The following RCSD1 variants were observed in gnomAD, a reference collection of about 807,000 sequenced individuals.
The protein encoded by RCSD1 is capZ-interacting protein.
RCSD1 carries 26 observed loss-of-function variants against 42.5 expected under a neutral mutation model. The observed-to-expected ratio is 0.61, with a 90% CI of 0.45 to 0.85. The LOEUF (loss-of-function observed/expected upper bound fraction) is 0.85. Ranked by LOEUF, RCSD1 falls within the 40% of genes least tolerant of loss-of-function variation. The pLI is 0.00. For synonymous variants in RCSD1, 220 were observed against 212.2 expected (o/e 1.04, Z -0.32); for missense variants, 571 against 528.3 (o/e 1.08, Z -0.79).
intron 1 of RCSD1, among the ~76,000 whole-genome samples, chr1:167,669,935 T>C (rs1295929231): frequency 6.6e-6 from 1 of 152,100 alleles, no homozygotes; most frequent in African/African-American, 2.4e-5. Context: ...TTAGAAGGTA[T>C]GCCCTGGCTT....
Position 167,682,577 on chromosome 1 carries a change from T to C in RCSD1, c.7-1323T>C, listed in dbSNP as rs150436069. ...CCCTTGCTCCAAGGGGACAGCATCT[T>C]AGAATGACTAAAGTTATTTACTTTG... On this transcript the variant is annotated intron_variant, in intron 1 of 6. Transcript: ENST00000367854. Among the ~76,000 whole-genome samples the C allele has an allele frequency of 4.8e-4, 73 of 152,192 alleles. 1 individual carries two copies. The East Asian group carries it at 0.011, about 24-fold the overall frequency.
intron 1 of RCSD1, among the ~76,000 whole-genome samples, chr1:167,657,476 G>A (rs2102211421): frequency 6.6e-6 from 1 of 152,242 alleles, no homozygotes; most frequent in Admixed American, 6.5e-5. Flanking sequence ...ATATGTTTAG[G>A]GCTGGCTGCA....
rs1432228233 is a variant in RCSD1 at position 167,697,622 on chromosome 1, G to A, written c.998G>A (p.Ser333Asn). The change falls in exon 6 of 7, where the codon AGC becomes AAC. Residue 333 changes from serine (S) to asparagine (N), a missense_variant. Coordinates refer to ENST00000367854, the MANE Select transcript of RCSD1 (RefSeq NM_052862.4). Reference protein sequence around the residue: ...QNEEVGPEHDSQETKKLEEGA... With the variant: ...QNEEVGPEHDNQETKKLEEGA... ...GAAGAGGTGGGACCTGAACATGACA[G>A]CCAAGAAACAAAGAAGCTGGAGGAG... 1.2e-6 allele frequency: 2 copies of A among 1,607,210 alleles called. No individual in the cohort carries two copies. The highest frequency in any genetic ancestry group is 2.2e-5 in the East Asian group (1 of 44,654).
intron 1 of RCSD1, among the ~76,000 whole-genome samples, chr1:167,647,949 C>A (rs1441721217): frequency 6.6e-6 from 1 of 151,926 alleles, no homozygotes; most frequent in African/African-American, 2.4e-5. Flanking sequence ...TCCTTGAAAT[C>A]CTCAATTATA....
At chr1:167,631,170 C>CT (rs1392902664) in intron 1 of RCSD1, among the ~76,000 whole-genome samples, 1 of 152,240 alleles carries the variant, frequency 6.6e-6, no homozygotes, top group East Asian at 1.9e-4. Flanking sequence ...GGTCCGGGGA[C>CT]TTTCCTTGTT....
intron 1 of RCSD1, among the ~76,000 whole-genome samples, chr1:167,675,207 GAAAAA>G (rs34426324): frequency 1.4e-4 from 7 of 49,154 alleles, no homozygotes; most frequent in African/African-American, 7.4e-4. Flanking sequence ...CTCCATCTCG[GAAAAA>G]AAAAAAAAAA....
chr1:167,691,647 C>T (rs1327135597), intron 4 of RCSD1, among the ~76,000 whole-genome samples: 2 of 152,258 alleles, frequency 1.3e-5, no homozygotes, highest in Non-Finnish European at 2.9e-5. Flanking sequence ...TAGCCACAGC[C>T]TCTGTACTTC....
chr1:167,667,565 G>A (rs1007232345), intron 1 of RCSD1, among the ~76,000 whole-genome samples: 3 of 152,336 alleles, frequency 2.0e-5, no homozygotes, highest in Non-Finnish European at 2.9e-5. Flanking sequence ...GGAGAAGACA[G>A]ATACCCATGG....
rs368736456 is a variant in RCSD1, at chr1:167,707,551, G to T, written c.*2855G>T. Reference sequence around the variant, plus strand: ...GATGTCAGGAATCTCTCATGGTATTGGTCTCTGCTTTCCCTCGTATTGGCC... The same window carrying T: ...GATGTCAGGAATCTCTCATGGTATTTGTCTCTGCTTTCCCTCGTATTGGCC... On this transcript the variant is annotated 3_prime_UTR_variant, in exon 7 of 7. Coordinates refer to ENST00000367854, the MANE Select transcript of RCSD1 (RefSeq NM_052862.4). Among the ~76,000 whole-genome samples the T allele has an allele frequency of 6.6e-6, 1 of 151,748 alleles. No homozygotes were observed. The highest frequency in any genetic ancestry group is 2.1e-4 in the South Asian group (1 of 4,786).
intron 1 of RCSD1, 34 bp downstream of exon 1, chr1:167,630,463 C>T (rs1373523873): frequency 1.3e-6 from 2 of 1,523,838 alleles, no homozygotes; most frequent in Admixed American, 2.0e-5. Flanking sequence ...CGGGGCTGAG[C>T]GGTGAGCGGT....
At position 167,695,538 on chromosome 1, in the gene RCSD1, A is replaced by ATTTTT. The variant is rs34867466; in HGVS notation, c.474+1250_474+1254dup. Among the ~76,000 whole-genome samples the ATTTTT allele has an allele frequency of 5.7e-4, 80 of 141,082 alleles. No individual in the cohort carries two copies. The East Asian group carries it at 6.5e-3, about 12-fold the overall frequency. The allele number at this position is 141,082 out of a possible 152,430, so 92.6% of individuals were successfully genotyped here. On this transcript the variant is annotated intron_variant, in intron 5 of 6. Coordinates refer to ENST00000367854, the MANE Select transcript of RCSD1 (RefSeq NM_052862.4). ...TTACAAAAATTTATTTTACACACTA[A>ATTTTT]TTTTTTTTTTTTTTTTTTGAGGCAA...
rs983699032 is a variant in RCSD1, at chr1:167,644,991, A to G, written c.6+14562A>G. On this transcript the variant is annotated intron_variant, in intron 1 of 6. Transcript: ENST00000367854. ...CAGGTTGAACTACCTTGCCCAAAGT[A>G]TTTTGATTAAGGACCCCAGGTCTTT... Among the ~76,000 whole-genome samples, 5 of 152,248 alleles carry G rather than the reference A, an allele frequency of 3.3e-5. No homozygotes were observed. In the East Asian group the frequency reaches 7.7e-4, roughly 23 times the overall value.
At chr1:167,674,657 T>C (rs754235980) in intron 1 of RCSD1, among the ~76,000 whole-genome samples, 1 of 152,216 alleles carries the variant, frequency 6.6e-6, no homozygotes, top group Non-Finnish European at 1.5e-5. Flanking sequence ...TCTAGGCAAC[T>C]ATTAACCTAC....
At position 167,704,846 on chromosome 1, in the gene RCSD1, T is replaced by A. The variant is rs2101728460; in HGVS notation, c.*150T>A. 7.1e-6 allele frequency: 5 copies of A among 707,156 alleles called. No individual in the cohort carries two copies. The highest frequency in any genetic ancestry group is 7.0e-5 in the African/African-American group (4 of 56,994). The allele number at this position is 707,156 out of a possible 1,614,324, so 43.8% of individuals were successfully genotyped here. A position where few individuals can be genotyped will look rare whatever the true frequency, so the allele number is the denominator to read the frequency against. The stretch of plus-strand genomic sequence containing the variant: ...AGCCTGAAGACACAGGGTGGATTAT[T>A]TCCTGGCCTCCACACCAAACGTTCC... On this transcript the variant is annotated 3_prime_UTR_variant, in exon 7 of 7. Transcript: ENST00000367854.
At chr1:167,656,315 A>T (rs1252288363) in intron 1 of RCSD1, among the ~76,000 whole-genome samples, 1 of 152,232 alleles carries the variant, frequency 6.6e-6, no homozygotes, top group Non-Finnish European at 1.5e-5. Context: ...ATTATTTCAT[A>T]GTAAGAACAA....
chr1:167,681,076 C>T (rs1339741324), intron 1 of RCSD1, among the ~76,000 whole-genome samples: 1 of 152,220 alleles, frequency 6.6e-6, no homozygotes, highest in Non-Finnish European at 1.5e-5. Flanking sequence ...GCTGAGCCAC[C>T]AGCCCCGATT....
intron 4 of RCSD1, among the ~76,000 whole-genome samples, chr1:167,691,900 A>T (rs2101716246): frequency 6.6e-6 from 1 of 152,244 alleles, no homozygotes; most frequent in South Asian, 2.1e-4. Flanking sequence ...CTCAGAAGGG[A>T]TCCCAGAACT....
intron 1 of RCSD1, chr1:167,633,717 C>T (rs888185426): frequency 6.6e-6 from 1 of 152,174 alleles, no homozygotes; most frequent in South Asian, 2.1e-4. Flanking sequence ...CAGTAGGAAA[C>T]TCTGAGAGGT....
chr1:167,650,537 G>A lies in RCSD1; in HGVS notation c.6+20108G>A, dbSNP rs1177766681. ...GAGTGTTTGGGTCCAGCTCTGGCCT[G>A]GTACCCCAGAGGCCTACCAGGAGGC... is the stretch of plus-strand genomic sequence containing the variant. On this transcript the variant is annotated intron_variant, in intron 1 of 6. Transcript: ENST00000367854. Among the ~76,000 whole-genome samples, 3 of 152,148 alleles carry A rather than the reference G, an allele frequency of 2.0e-5. No individual in the cohort carries two copies. The East Asian group carries it at 5.8e-4, about 29-fold the overall frequency.
Sources: gnomAD v4.1 joint callset for allele counts (sites outside exome capture counted in the v4.1 genomes callset) on GRCh38, gnomAD v4.1.1 for gene constraint, MANE v1.5 for transcripts, NCBI Gene and HGNC (gene_info 2026-07-23, HGNC 2026-07-21) for gene names.